Variants in C2CD3 observed in about 807,000 individuals in gnomAD.
C2CD3 encodes the protein C2 domain-containing protein 3.
Under a neutral mutation model 234.0 loss-of-function variants are expected in C2CD3, and 148 were observed. That is an observed-to-expected ratio of 0.63 (90% CI 0.55 to 0.72). The LOEUF is 0.72. Among genes scored for constraint, C2CD3 ranks in the 30% least tolerant of loss-of-function variants. The pLI, the probability that C2CD3 is intolerant of heterozygous loss-of-function variation, is 0.00. For synonymous variants in C2CD3, 1,000 were observed against 1,035.4 expected (o/e 0.97, Z 0.66); for missense variants, 2,577 against 2,811.5 (o/e 0.92, Z 1.89).
At chr11:74,146,312 T>C (rs1335563762) in intron 3 of C2CD3, among the ~76,000 whole-genome samples, 1 of 152,226 alleles carries the variant, frequency 6.6e-6, no homozygotes, top group Non-Finnish European at 1.5e-5. Context: ...TTATTCAGCA[T>C]GTTAGTGGTA....
intron 30 of C2CD3, among the ~76,000 whole-genome samples, chr11:74,035,674 A>G (rs1169604654): frequency 6.6e-6 from 1 of 151,712 alleles, no homozygotes; most frequent in Non-Finnish European, 1.5e-5. Context: ...CTGAGGCATA[A>G]TGGAGCATAA....
intron 2 of C2CD3, among the ~76,000 whole-genome samples, chr11:74,163,484 G>A (rs1856606647): frequency 6.6e-6 from 1 of 152,190 alleles, no homozygotes; most frequent in Admixed American, 6.5e-5. Context: ...GGAAGGACCG[G>A]GGGAGATAAC....
intron 2 of C2CD3, chr11:74,164,204 C>T (rs1856658948): frequency 1.0e-6 from 1 of 963,450 alleles, no homozygotes; most frequent in Admixed American, 6.2e-5. Flanking sequence ...AGCACTATTC[C>T]TACTCCGATT....
chr11:74,118,725 G>A (rs892036455), intron 8 of C2CD3, among the ~76,000 whole-genome samples: 14 of 152,020 alleles, frequency 9.2e-5, no homozygotes, highest in African/African-American at 3.1e-4. Flanking sequence ...ATTCCGACAA[G>A]GTACCTTTAT....
At chr11:74,051,526 A>T (rs1474138649) in intron 26 of C2CD3, among the ~76,000 whole-genome samples, 1 of 152,186 alleles carries the variant, frequency 6.6e-6, no homozygotes, top group African/African-American at 2.4e-5. Context: ...TAAATTTAAC[A>T]TTGGATTAAC....
In C2CD3 at chr11:74,150,516, CAAAAAAAAAACA is replaced by C. The variant is rs1565348193; in HGVS notation, c.484-10700_484-10689del. Among the ~76,000 whole-genome samples, 352 of 66,016 alleles carry C rather than the reference CAAAAAAAAAACA, an allele frequency of 5.3e-3. 19 individuals are homozygous for C. Among genetic ancestry groups the C allele is most frequent in the African/African-American group, 0.024 (333 of 14,014 alleles). 43.3% of individuals were successfully genotyped at this position (66,016 alleles called of 152,430 possible). ...TCAAAAAAAAAAAAAAAAAAAAAAA[CAAAAAAAAAACA>C]AAACAAATTTCTAAGCTTTTTAAAA... On this transcript the variant is annotated intron_variant, in intron 3 of 32. Coordinates refer to ENST00000334126, the MANE Select transcript of C2CD3 (RefSeq NM_001286577.2).
Position 74,170,825 on chromosome 11 carries a change from T to G in C2CD3, c.-33A>C. ...CCGAGCTCTTCTTCACCAGCTCAAC[T>G]CCGTCTCCAGCACCTAAGCAGTATC... On this transcript the variant is annotated 5_prime_UTR_variant, in exon 1 of 33. Coordinates refer to ENST00000334126, the MANE Select transcript of C2CD3 (RefSeq NM_001286577.2). 6.2e-7 allele frequency: 1 copy of G among 1,613,938 alleles called. No individual in the cohort carries two copies. Among genetic ancestry groups the G allele is most frequent in the Non-Finnish European group, 8.5e-7 (1 of 1,179,924 alleles).
At chr11:74,124,567 G>T (rs566466437) in intron 7 of C2CD3, among the ~76,000 whole-genome samples, 1 of 151,892 alleles carries the variant, frequency 6.6e-6, no homozygotes, top group Non-Finnish European at 1.5e-5. Context: ...GGGTTGGGGT[G>T]GGGAAAAATC....
At chr11:74,067,833 G>T (rs1954615660) in intron 24 of C2CD3, among the ~76,000 whole-genome samples, 1 of 152,170 alleles carries the variant, frequency 6.6e-6, no homozygotes, top group Non-Finnish European at 1.5e-5. Context: ...TGCAGCTAGG[G>T]TATGGATGCA....
At chr11:74,059,697 T>C (rs1216042456) in intron 24 of C2CD3, among the ~76,000 whole-genome samples, 1 of 152,146 alleles carries the variant, frequency 6.6e-6, no homozygotes, top group Non-Finnish European at 1.5e-5. Flanking sequence ...ACAGCTCCAG[T>C]CTGCAGCTCC....
chr11:74,108,244 T>C (rs1956606113), intron 12 of C2CD3: 1 of 151,930 alleles, frequency 6.6e-6, no homozygotes, highest in South Asian at 2.1e-4. Flanking sequence ...ATAGAGTTTA[T>C]CTTGAGGTTA....
At chr11:74,021,300 C>T (rs1952074154) in intron 32 of C2CD3, among the ~76,000 whole-genome samples, 1 of 152,156 alleles carries the variant, frequency 6.6e-6, no homozygotes, top group African/African-American at 2.4e-5. Flanking sequence ...CAGAGTTCAG[C>T]TGTACCCTTT....
intron 32 of C2CD3, among the ~76,000 whole-genome samples, chr11:74,015,197 C>G (rs756281449): frequency 4.6e-5 from 7 of 152,172 alleles, no homozygotes; most frequent in African/African-American, 1.4e-4. Flanking sequence ...GGGATCCCAG[C>G]GAGGCCAGTT....
At chr11:74,107,306 C>T (rs1361189325) in intron 12 of C2CD3, among the ~76,000 whole-genome samples, 3 of 142,204 alleles carry the variant, frequency 2.1e-5, no homozygotes, top group African/African-American at 8.8e-5. Context: ...GCCTGGGCAA[C>T]AAGAATGAAA....
intron 29 of C2CD3, among the ~76,000 whole-genome samples, chr11:74,039,044 A>G (rs985721245): frequency 6.6e-6 from 1 of 152,216 alleles, no homozygotes; most frequent in Non-Finnish European, 1.5e-5. Flanking sequence ...TTCTATCACT[A>G]GAGGCCAAGA....
chr11:74,123,097 C>T lies in C2CD3; in HGVS notation c.1256G>A (p.Gly419Asp), dbSNP rs1367602040. The part of the protein sequence containing the change: ...LSQGNFWDGL[G>D]SPPDSPSPGS... ...AGGAGATGGGGAATCTGGAGGAGAG[C>T]CTAGCCCATCCCAGAAATTGCCTTG... The change falls in exon 8 of 33, where the codon GGC becomes GAC. Residue 419 changes from glycine (G) to aspartate (D), a missense_variant. Gly to Asp is a moderately conservative substitution (Grantham distance 94). Coordinates refer to ENST00000334126, the MANE Select transcript of C2CD3 (RefSeq NM_001286577.2). 6.2e-7 allele frequency: 1 copy of T among 1,612,802 alleles called. No homozygotes were observed. The highest frequency in any genetic ancestry group is 8.5e-7 in the Non-Finnish European group (1 of 1,178,906).
At chr11:74,156,834 G>C (rs1398114483) in intron 3 of C2CD3, among the ~76,000 whole-genome samples, 4 of 152,176 alleles carry the variant, frequency 2.6e-5, no homozygotes, top group Non-Finnish European at 4.4e-5. Flanking sequence ...AGCCGGGCAT[G>C]GTGGTGTGCA....
intron 3 of C2CD3, among the ~76,000 whole-genome samples, chr11:74,152,409 C>T (rs1359221269): frequency 6.6e-6 from 1 of 152,126 alleles, no homozygotes; most frequent in African/African-American, 2.4e-5. Context: ...AGTTAAAAAC[C>T]TTCCCCATAA....
intron 32 of C2CD3, among the ~76,000 whole-genome samples, chr11:74,024,941 C>T (rs1211333078): frequency 1.3e-5 from 2 of 152,044 alleles, no homozygotes; most frequent in African/African-American, 4.8e-5. Context: ...GTCATCCGAA[C>T]CAGGACCCAG....
Sources: gnomAD v4.1 joint callset for allele counts (sites outside exome capture counted in the v4.1 genomes callset) on GRCh38, gnomAD v4.1.1 for gene constraint, MANE v1.5 for transcripts, NCBI Gene and HGNC (gene_info 2026-07-23, HGNC 2026-07-21) for gene names.